The following RBFOX1 variants were observed in gnomAD, a reference collection of about 807,000 sequenced individuals.
The protein encoded by RBFOX1 is RNA binding fox-1 homolog 1.
In RBFOX1, 8 loss-of-function variants were observed where a neutral mutation model predicts 57.7. The observed-to-expected ratio is 0.14, with a 90% confidence interval of 0.08 to 0.25. The LOEUF (loss-of-function observed/expected upper bound fraction) is 0.25. RBFOX1 is among the 10% of genes least tolerant of loss of function. RBFOX1 has a pLI of 1.00. For synonymous variants in RBFOX1, 326 were observed against 222.4 expected (o/e 1.47, Z -4.15); for missense variants, 611 against 548.5 (o/e 1.11, Z -1.14).
chr16:5,940,189 C>G (rs1375071552), intron 4 of RBFOX1, among the ~76,000 whole-genome samples: 1 of 152,188 alleles, frequency 6.6e-6, no homozygotes, highest in Non-Finnish European at 1.5e-5. Context: ...GATGGAGACA[C>G]TAGAGTAACC....
chr16:6,982,943 A>C (rs2089312988), intron 3 of RBFOX1, among the ~76,000 whole-genome samples: 2 of 149,170 alleles, frequency 1.3e-5, no homozygotes, highest in South Asian at 4.3e-4. Context: ...GCAGTGAGAT[A>C]ACATCATGCC....
At chr16:6,157,805 T>C (rs947027363) in intron 1 of RBFOX1, among the ~76,000 whole-genome samples, 2 of 152,206 alleles carry the variant, frequency 1.3e-5, no homozygotes, top group Non-Finnish European at 2.9e-5. Context: ...GCCAAGTGGA[T>C]TTTGCTAAGA....
chr16:5,749,799 C>A (rs1007262278), intron 3 of RBFOX1, among the ~76,000 whole-genome samples: 2 of 152,166 alleles, frequency 1.3e-5, no homozygotes, highest in Non-Finnish European at 2.9e-5. Context: ...AGCTTCTTTG[C>A]GATGGGTTCG....
intron 4 of RBFOX1, chr16:7,332,713 T>A: frequency 7.1e-6 from 8 of 1,132,618 alleles, no homozygotes; most frequent in Non-Finnish European, 9.2e-6. Context: ...GAAGAGTATT[T>A]GGTTAGTCAT....
At chr16:5,641,054 A>G (rs1320505467) in intron 3 of RBFOX1, among the ~76,000 whole-genome samples, 1 of 151,056 alleles carries the variant, frequency 6.6e-6, no homozygotes, top group African/African-American at 2.4e-5. Context: ...ACATATGCAC[A>G]TACACCCATG....
At chr16:5,832,556 A>C (rs796767476) in intron 3 of RBFOX1, among the ~76,000 whole-genome samples, 14 of 152,292 alleles carry the variant, frequency 9.2e-5, no homozygotes, top group African/African-American at 2.4e-4. Flanking sequence ...TGTAGAATAT[A>C]ACACATGTTA....
At chr16:6,558,284 A>G (rs1051663956) in intron 2 of RBFOX1, among the ~76,000 whole-genome samples, 1 of 152,114 alleles carries the variant, frequency 6.6e-6, no homozygotes, top group Non-Finnish European at 1.5e-5. Context: ...AGCATTTTGC[A>G]AATCGAGAAT....
intron 4 of RBFOX1, among the ~76,000 whole-genome samples, chr16:5,994,739 C>A (rs1488703942): frequency 6.6e-6 from 1 of 152,108 alleles, no homozygotes; most frequent in Non-Finnish European, 1.5e-5. Context: ...TGGATTTGGC[C>A]CATGGGCAGT....
At chr16:6,295,689 G>A (rs1403377795) in intron 1 of RBFOX1, among the ~76,000 whole-genome samples, 1 of 152,196 alleles carries the variant, frequency 6.6e-6, no homozygotes, top group Non-Finnish European at 1.5e-5. Context: ...GTGATCCAGT[G>A]TGTGATGCTG....
At chr16:5,410,785 T>G (rs2066999923) in intron 1 of RBFOX1, among the ~76,000 whole-genome samples, 1 of 151,638 alleles carries the variant, frequency 6.6e-6, no homozygotes, top group Non-Finnish European at 1.5e-5. Context: ...CTTTCTGACT[T>G]TAAAATTCTT....
chr16:7,095,686 C>T (rs532048025), intron 4 of RBFOX1, among the ~76,000 whole-genome samples: 1 of 152,220 alleles, frequency 6.6e-6, no homozygotes, highest in South Asian at 2.1e-4. Flanking sequence ...CTTGGTTGAT[C>T]ACTCGATAAG....
intron 3 of RBFOX1, among the ~76,000 whole-genome samples, chr16:6,936,027 G>A (rs925634405): frequency 1.3e-5 from 2 of 152,126 alleles, no homozygotes; most frequent in African/African-American, 4.8e-5. Flanking sequence ...ATGGCAAGAG[G>A]GTTTCTTCTC....
intron 1 of RBFOX1, among the ~76,000 whole-genome samples, chr16:6,173,071 G>C (rs1598047937): frequency 6.6e-6 from 1 of 152,160 alleles, no homozygotes; most frequent in East Asian, 1.9e-4. Flanking sequence ...TTTAAGGACT[G>C]ATACGATGAT....
chr16:5,795,626 C>A (rs1314123288), intron 3 of RBFOX1, among the ~76,000 whole-genome samples: 6 of 152,172 alleles, frequency 3.9e-5, no homozygotes, highest in African/African-American at 7.2e-5. Context: ...ACCTGGAATT[C>A]TTTCCCCTCC....
chr16:6,204,017 C>T (rs1463549597), intron 1 of RBFOX1, among the ~76,000 whole-genome samples: 4 of 149,914 alleles, frequency 2.7e-5, no homozygotes, highest in Non-Finnish European at 5.9e-5. Flanking sequence ...AACAATCTAC[C>T]ATCAGAAATG....
At chr16:7,007,379 T>G (rs1423565962) in intron 3 of RBFOX1, among the ~76,000 whole-genome samples, 3 of 152,210 alleles carry the variant, frequency 2.0e-5, no homozygotes, top group Non-Finnish European at 4.4e-5. Context: ...GAAAGTCTTG[T>G]GTTTTAAAGT....
At chr16:7,200,331 T>A (rs748916598) in intron 4 of RBFOX1, among the ~76,000 whole-genome samples, 22 of 152,224 alleles carry the variant, frequency 1.4e-4, no homozygotes, top group Non-Finnish European at 2.6e-4. Context: ...TAAGTTGGCC[T>A]GTCTTATGGA....
chr16:5,843,033 T>C (rs757545694), intron 3 of RBFOX1, among the ~76,000 whole-genome samples: 45 of 152,300 alleles, frequency 3.0e-4, no homozygotes, highest in Non-Finnish European at 4.1e-4. Flanking sequence ...TTCACCATGT[T>C]GGCCAGGCTG....
chr16:6,678,558 C>G (rs1199050059), intron 3 of RBFOX1, among the ~76,000 whole-genome samples: 1 of 151,176 alleles, frequency 6.6e-6, no homozygotes, highest in Non-Finnish European at 1.5e-5. Context: ...TGAGATTTCT[C>G]TTTAGAGGTT....
Sources: allele counts gnomAD v4.1 joint callset (sites outside exome capture counted in the v4.1 genomes callset), GRCh38; gene constraint gnomAD v4.1.1; transcripts MANE v1.5; gene names NCBI Gene and HGNC (gene_info 2026-07-23, HGNC 2026-07-21).